The following CUX2 variants were observed in gnomAD, a reference collection of about 807,000 sequenced individuals.
CUX2 encodes cut like homeobox 2, also known as homeobox protein cut-like 2.
Under a neutral mutation model 144.8 loss-of-function variants are expected in CUX2, and 40 were observed. The observed-to-expected ratio is 0.28, with a 90% CI of 0.21 to 0.36. CUX2 has a LOEUF of 0.36. Ranked by LOEUF, CUX2 falls within the 10% of genes least tolerant of loss-of-function variation. CUX2 has a pLI of 1.00. For missense variants in CUX2, 1,615 were observed against 1,994.0 expected, an observed-to-expected ratio of 0.81 and a Z score of 3.62; for synonymous variants, 827 against 875.6, an observed-to-expected ratio of 0.94 and a Z score of 0.98.
chr12:111,311,012 A>G (rs190641498), intron 15 of CUX2, among the ~76,000 whole-genome samples: 1 of 152,352 alleles, frequency 6.6e-6, no homozygotes, highest in East Asian at 1.9e-4. Context: ...TACATTTGTA[A>G]GACCGCCAAC....
chr12:111,250,791 G>A (rs1290293898), intron 3 of CUX2, among the ~76,000 whole-genome samples: 1 of 152,104 alleles, frequency 6.6e-6, no homozygotes, highest in Non-Finnish European at 1.5e-5. Flanking sequence ...AAGCAGCGTG[G>A]GGCCATGCTT....
At chr12:111,106,095 G>A (rs138569404) in intron 1 of CUX2, among the ~76,000 whole-genome samples, 1,950 of 146,104 alleles carry the variant, frequency 0.013, 13 homozygotes, top group Admixed American at 0.021. Context: ...AAACTCTTGG[G>A]CCCAAGCGAT....
intron 1 of CUX2, among the ~76,000 whole-genome samples, chr12:111,200,988 G>A (rs1880547603): frequency 1.3e-5 from 2 of 152,148 alleles, no homozygotes; most frequent in Admixed American, 1.3e-4. Context: ...ACAATAGTGG[G>A]GCAGGGGGAG....
chr12:111,093,471 C>T (rs1448917489), intron 1 of CUX2, among the ~76,000 whole-genome samples: 4 of 151,828 alleles, frequency 2.6e-5, no homozygotes, highest in Non-Finnish European at 4.4e-5. Flanking sequence ...AGACAAGCCT[C>T]GTCTGCCACT....
Position 111,277,442 on chromosome 12 carries a change from C to T in CUX2, c.301+13603C>T, listed in dbSNP as rs1380662788. Among the ~76,000 whole-genome samples the T allele has an allele frequency of 1.3e-5, 2 of 152,016 alleles. No individual in the cohort carries two copies. Among genetic ancestry groups the T allele is most frequent in the Non-Finnish European group, 2.9e-5 (2 of 67,990 alleles). On this transcript the variant is annotated intron_variant, in intron 4 of 21. Coordinates refer to ENST00000261726, the MANE Select transcript of CUX2 (RefSeq NM_015267.4). This position sits in a 1 kb window ranked among gnomAD's most constrained non-coding sequence, Gnocchi z 5.0. ...CCTGGTATTTCCTGTGTCTAGTATACTCCCCCGCGACCCCCCTGCTAGCTG... is the reference window on the plus strand; with the variant it reads ...CCTGGTATTTCCTGTGTCTAGTATATTCCCCCGCGACCCCCCTGCTAGCTG...
At chr12:111,090,108 G>A (rs539073172) in intron 1 of CUX2, among the ~76,000 whole-genome samples, 105 of 152,286 alleles carry the variant, frequency 6.9e-4, no homozygotes, top group Middle Eastern at 6.8e-3. Flanking sequence ...TCTGATCCCC[G>A]GTCCTGGAGC....
At chr12:111,075,589 C>T (rs1318944992) in intron 1 of CUX2, among the ~76,000 whole-genome samples, 1 of 152,108 alleles carries the variant, frequency 6.6e-6, no homozygotes, top group Non-Finnish European at 1.5e-5. Flanking sequence ...TGTCCATTTG[C>T]TGCTGTTGTT....
chr12:111,096,210 A>G (rs1415090281), intron 1 of CUX2, among the ~76,000 whole-genome samples: 1 of 152,142 alleles, frequency 6.6e-6, no homozygotes, highest in Non-Finnish European at 1.5e-5. Context: ...CATTCTTGCC[A>G]ACAGCCTAGA....
chr12:111,138,360 TGTGGGGGTGGGGAGAGAGGAGGG>T (rs1162420244), intron 1 of CUX2, among the ~76,000 whole-genome samples: 2 of 139,560 alleles, frequency 1.4e-5, no homozygotes, highest in East Asian at 4.1e-4. Flanking sequence ...GGTGCAGTCA[TGTGGGGGTGGGGAGAGAGGAGGG>T]GTAGGGGTGG....
intron 1 of CUX2, among the ~76,000 whole-genome samples, chr12:111,084,681 G>A (rs1592876977): frequency 6.6e-6 from 1 of 152,198 alleles, no homozygotes; most frequent in African/African-American, 2.4e-5. Context: ...GACTCACAGC[G>A]ATGAATTATT....
intron 21 of CUX2, among the ~76,000 whole-genome samples, chr12:111,343,879 G>A (rs1315662427): frequency 6.6e-6 from 1 of 152,156 alleles, no homozygotes; most frequent in Non-Finnish European, 1.5e-5. Context: ...TGGCCAAAAT[G>A]ATGAAACCCC....
intron 4 of CUX2, among the ~76,000 whole-genome samples, chr12:111,285,705 G>T (rs74943080): frequency 6.6e-6 from 1 of 152,190 alleles, no homozygotes; most frequent in Non-Finnish European, 1.5e-5. Flanking sequence ...CCATTTTTCC[G>T]TGTGGGAAAT....
chr12:111,250,870 C>A (rs1883528163), intron 3 of CUX2, among the ~76,000 whole-genome samples: 1 of 152,204 alleles, frequency 6.6e-6, no homozygotes, highest in African/African-American at 2.4e-5. Context: ...GAAAGTGGAT[C>A]TGGATTCCCA....
intron 1 of CUX2, among the ~76,000 whole-genome samples, chr12:111,143,685 A>G (rs1328089344): frequency 6.6e-6 from 1 of 152,230 alleles, no homozygotes; most frequent in African/African-American, 2.4e-5. Flanking sequence ...GTTGGAGCTC[A>G]CTTCTTTTTC....
At chr12:111,256,599 C>T (rs368957442) in intron 3 of CUX2, among the ~76,000 whole-genome samples, 5 of 152,098 alleles carry the variant, frequency 3.3e-5, no homozygotes, top group African/African-American at 7.2e-5. Context: ...TGTGCAGTCT[C>T]GATGGCAGGT....
chr12:111,046,017 C>T (rs1238925795), intron 1 of CUX2, among the ~76,000 whole-genome samples: 1 of 152,214 alleles, frequency 6.6e-6, no homozygotes, highest in Non-Finnish European at 1.5e-5. Context: ...GATTCGTTTG[C>T]AGTATTAGCT....
chr12:111,087,390 AAAAAGAAAG>A (rs1208810490), intron 1 of CUX2, among the ~76,000 whole-genome samples: 19 of 150,308 alleles, frequency 1.3e-4, no homozygotes, highest in Admixed American at 7.9e-4. Context: ...AAAAAAAAAA[AAAAAGAAAG>A]AAAAGAAAGA....
intron 1 of CUX2, among the ~76,000 whole-genome samples, chr12:111,071,740 A>G (rs966165757): frequency 6.6e-6 from 1 of 152,214 alleles, no homozygotes; most frequent in Non-Finnish European, 1.5e-5. Context: ...TGCATTTTAC[A>G]TTTAGGTCCA....
At chr12:111,213,516 C>T (rs1260135544) in intron 1 of CUX2, among the ~76,000 whole-genome samples, 2 of 152,174 alleles carry the variant, frequency 1.3e-5, no homozygotes, top group African/African-American at 4.8e-5. Context: ...GCCAGCAAAG[C>T]ACCTTCCAAT....
Sources: allele counts gnomAD v4.1 joint callset (sites outside exome capture counted in the v4.1 genomes callset), GRCh38; gene constraint gnomAD v4.1.1; non-coding constraint Gnocchi (gnomAD v3.1); transcripts MANE v1.5; gene names NCBI Gene and HGNC (gene_info 2026-07-23, HGNC 2026-07-21).